LFNG: variants seen among roughly 807,000 people sequenced by gnomAD.
LFNG encodes beta-1,3-N-acetylglucosaminyltransferase lunatic fringe.
Under a neutral mutation model 32.7 loss-of-function variants are expected in LFNG, and 15 were observed. That is an observed-to-expected ratio of 0.46 (90% confidence interval 0.31 to 0.71). LFNG has a LOEUF of 0.71. LFNG is among the 30% of genes least tolerant of loss of function. LFNG has a pLI of 0.06. For synonymous variants in LFNG, 274 were observed against 246.8 expected (o/e 1.11, Z -1.03); for missense variants, 520 against 545.7 (o/e 0.95, Z 0.47).
chr7:2,519,745 T>A (rs1779727780), upstream of LFNG: 1 of 540,238 alleles, frequency 1.9e-6, no homozygotes, highest in Non-Finnish European at 2.4e-6. Context: ...GCGGGGAGGT[T>A]TAAGAGCGCG....
At chr7:2,521,440 T>G (rs1180779528) in intron 1 of LFNG, among the ~76,000 whole-genome samples, 1 of 152,196 alleles carries the variant, frequency 6.6e-6, no homozygotes, top group African/African-American at 2.4e-5. Context: ...ACAAAGCCCC[T>G]TTCTCCAGCG....
In LFNG at chr7:2,519,973, G is replaced by T. The variant is rs1195080859; in HGVS notation, c.112G>T (p.Gly38Cys). 4 of 983,428 alleles carry T rather than the reference G, an allele frequency of 4.1e-6. No individual in the cohort carries two copies. Among genetic ancestry groups the T allele is most frequent in the Non-Finnish European group, 4.8e-6 (4 of 830,522 alleles). 60.9% of individuals were successfully genotyped at this position (983,428 alleles called of 1,614,324 possible). A position where few individuals can be genotyped will look rare whatever the true frequency, so the allele number is the denominator to read the frequency against. Residue 38 changes from glycine to cysteine, a missense_variant, in exon 1 of 8, where the codon GGC becomes TGC. Gly to Cys is a radical substitution (Grantham distance 159, BLOSUM62 -3). Transcript: ENST00000222725. ...GCCGCCTCCACTGCCCGCCGAGCGC[G>T]GCCGGCGCGCGCTGCGCAGCCTGGC... is the stretch of plus-strand genomic sequence containing the variant. ...PPPPPLPAER[G>C]RRALRSLAGP...
At chr7:2,528,813 C>T, downstream of LFNG, 1 of 637,938 alleles carries the variant, frequency 1.6e-6, no homozygotes, top group Non-Finnish European at 2.9e-6. Flanking sequence ...CTGGGGCCTC[C>T]TTATCCAACT....
In LFNG at chr7:2,522,566, TC is replaced by T. The variant is rs1032645287; in HGVS notation, c.433-2124del. Reference sequence around the variant, plus strand: ...GGAACAATGCTGCTTCCTGTGGGTGTCCCCCGGCCCCCGCCCCCGTCCACCC... The same window carrying T: ...GGAACAATGCTGCTTCCTGTGGGTGTCCCCGGCCCCCGCCCCCGTCCACCC... On this transcript the variant is annotated intron_variant, in intron 1 of 7. Transcript: ENST00000222725. Among the ~76,000 whole-genome samples, 3 of 120,440 alleles carry T rather than the reference TC, an allele frequency of 2.5e-5. No homozygotes were observed. The South Asian group carries it at 9.7e-4, about 39-fold the overall frequency. The allele number at this position is 120,440 out of a possible 152,430, so 79.0% of individuals were successfully genotyped here.
chr7:2,513,051 C>T (rs1779529321), upstream of LFNG: 1 of 1,099,268 alleles, frequency 9.1e-7, no homozygotes, highest in Admixed American at 2.0e-5. Context: ...CCCTGCCTCC[C>T]AGCCCCAGCC....
intron 1 of LFNG, among the ~76,000 whole-genome samples, chr7:2,523,199 C>T (rs919311434): frequency 4.2e-4 from 64 of 152,334 alleles, no homozygotes; most frequent in African/African-American, 1.5e-3. Flanking sequence ...GCTGGCCCTC[C>T]GCCTCCCACG....
In LFNG at chr7:2,526,924, A is replaced by G. The variant is rs1423077612; in HGVS notation, c.1073+3A>G. On this transcript the variant is annotated splice_donor_region_variant and intron_variant, in intron 7 of 7. Coordinates refer to ENST00000222725, the MANE Select transcript of LFNG (RefSeq NM_001040167.2). The surrounding 1 kb of genome is among the most constrained non-coding windows in gnomAD (Gnocchi z 6.9). ...TCGGTGGAGGCCGACCCATCCAGGTAAGGAAACCCCGGCCCAGATGGGCTT... is the reference window on the plus strand; with the variant it reads ...TCGGTGGAGGCCGACCCATCCAGGTGAGGAAACCCCGGCCCAGATGGGCTT... The G allele has an allele frequency of 1.9e-6, 3 of 1,612,266 alleles. No homozygotes were observed. Among genetic ancestry groups the G allele is most frequent in the Non-Finnish European group, 2.5e-6 (3 of 1,179,694 alleles).
intron 1 of LFNG, among the ~76,000 whole-genome samples, chr7:2,522,264 G>A (rs541649239): frequency 1.3e-4 from 20 of 152,326 alleles, no homozygotes; most frequent in African/African-American, 4.8e-4. Flanking sequence ...GAGTAAAAAA[G>A]TGCCCAGAAA....
Position 2,527,097 on chromosome 7 carries a change from A to G in LFNG, c.1074-49A>G, listed in dbSNP as rs1384673881. 1.9e-6 allele frequency: 3 copies of G among 1,577,708 alleles called. No homozygotes were observed. The highest frequency in any genetic ancestry group is 2.6e-6 in the Non-Finnish European group (3 of 1,149,940). On this transcript the variant is annotated intron_variant, in intron 7 of 7. Coordinates refer to ENST00000222725, the MANE Select transcript of LFNG (RefSeq NM_001040167.2). The surrounding 1 kb of genome is among the most constrained non-coding windows in gnomAD (Gnocchi z 4.4). ...GTTGTGGGACTGCAAATGGGAGCTC[A>G]GCACCTGCCTGCCACCCACGCAGAC...
Position 2,527,450 on chromosome 7 carries a change from TG to T in LFNG, c.*241del. 7.0e-7 allele frequency: 1 copy of T among 1,426,704 alleles called. No homozygotes were observed. The allele number at this position is 1,426,704 out of a possible 1,614,324, so 88.4% of individuals were successfully genotyped here. On this transcript the variant is annotated 3_prime_UTR_variant, in exon 8 of 8. Transcript: ENST00000222725. The surrounding 1 kb of genome is among the most constrained non-coding windows in gnomAD (Gnocchi z 4.4). ...TATGTGCCTCTGCTCCGAGGGCCAG[TG>T]GGCTGCAGGGCCTGCTTGGAGGAAG...
rs1779740086 is a variant in LFNG at position 2,520,019 on chromosome 7, C to G, written c.158C>G (p.Pro53Arg). ...RSLAGPAGAA[P>R]APGLGAAAAA... Reference sequence around the variant, plus strand: ...CTGGCGGGCCCCGCGGGGGCTGCCCCGGCGCCCGGGCTGGGGGCGGCGGCG... The same window carrying G: ...CTGGCGGGCCCCGCGGGGGCTGCCCGGGCGCCCGGGCTGGGGGCGGCGGCG... The change falls in exon 1 of 8, where the codon CCG becomes CGG. Residue 53 changes from proline (P) to arginine (R), a missense_variant. By Grantham distance (103) the Pro-to-Arg change is moderately radical (BLOSUM62 -2). This residue lies in a region of LFNG where 360 missense variants were observed against 354.7 expected (regional missense o/e 1.01). Coordinates refer to ENST00000222725, the MANE Select transcript of LFNG (RefSeq NM_001040167.2). The surrounding 1 kb of genome is among the most constrained non-coding windows in gnomAD (Gnocchi z 5.0). The G allele has an allele frequency of 2.1e-5, 21 of 1,003,300 alleles. No individual in the cohort carries two copies. The highest frequency in any genetic ancestry group is 2.4e-5 in the Non-Finnish European group (20 of 845,170). The allele number at this position is 1,003,300 out of a possible 1,614,324, so 62.1% of individuals were successfully genotyped here. A position where few individuals can be genotyped will look rare whatever the true frequency, so the allele number is the denominator to read the frequency against.
At chr7:2,516,298 G>A (rs1189625248), upstream of LFNG, among the ~76,000 whole-genome samples, 5 of 152,214 alleles carry the variant, frequency 3.3e-5, no homozygotes, top group African/African-American at 9.7e-5. Flanking sequence ...CAGGCGCCTC[G>A]GATGGCTTCC....
chr7:2,513,370 GCTTCCA>G, upstream of LFNG: 1 of 1,544,372 alleles, frequency 6.5e-7, no homozygotes, highest in East Asian at 2.3e-5. Flanking sequence ...CCCTTCTTCT[GCTTCCA>G]GAGCAGCCTG....
chr7:2,525,295 C>T lies in LFNG; in HGVS notation c.558C>T (p.Asp186=), dbSNP rs147469951. 6.2e-7 allele frequency: 1 copy of T among 1,612,898 alleles called. No individual in the cohort carries two copies. The highest frequency in any genetic ancestry group is 8.5e-7 in the Non-Finnish European group (1 of 1,179,890). The change falls in exon 3 of 8, where the codon GAC becomes GAT. Residue 186 remains aspartate, a synonymous_variant. Transcript: ENST00000222725. ...CCTGCAAGATGGCCGTGGAGTATGA[C>T]CGCTTCATCGAGTCCGGCAGGAAGT... ...ALSCKMAVEY[D]RFIESGRKWF...
intron 1 of LFNG, chr7:2,512,736 C>T (rs745859567): frequency 1.2e-6 from 2 of 1,603,138 alleles, no homozygotes; most frequent in East Asian, 2.2e-5. Flanking sequence ...CCTAGAATGC[C>T]ACTCAGAGCC....
At position 2,527,669 on chromosome 7, in the gene LFNG, A is replaced by C; in HGVS notation, c.*457A>C. The C allele has an allele frequency of 9.0e-7, 1 of 1,105,068 alleles. No homozygotes were observed. Among genetic ancestry groups the C allele is most frequent in the Non-Finnish European group, 1.1e-6 (1 of 898,426 alleles). 68.5% of individuals were successfully genotyped at this position (1,105,068 alleles called of 1,614,324 possible). The stretch of plus-strand genomic sequence containing the variant: ...CCCCTGTGTCATAGCCCCAAGTACG[A>C]CTCACTGAGCCATGCTCATTGCAGG... On this transcript the variant is annotated 3_prime_UTR_variant, in exon 8 of 8. Coordinates refer to ENST00000222725, the MANE Select transcript of LFNG (RefSeq NM_001040167.2). This position sits in a 1 kb window ranked among gnomAD's most constrained non-coding sequence, Gnocchi z 4.4.
Position 2,527,352 on chromosome 7 carries a change from G to A in LFNG, c.*140G>A, listed in dbSNP as rs1780024580. On this transcript the variant is annotated 3_prime_UTR_variant, in exon 8 of 8. Coordinates refer to ENST00000222725, the MANE Select transcript of LFNG (RefSeq NM_001040167.2). The surrounding 1 kb of genome is among the most constrained non-coding windows in gnomAD (Gnocchi z 4.4). ...TGTGCGTGTGCGTGTGTGTGTGTGT[G>A]TACTGCATGCCCACCCGGGTAGCAG... The A allele has an allele frequency of 1.3e-6, 2 of 1,507,112 alleles. No homozygotes were observed. The highest frequency in any genetic ancestry group is 8.8e-7 in the Non-Finnish European group (1 of 1,130,112). The allele number at this position is 1,507,112 out of a possible 1,614,324, so 93.4% of individuals were successfully genotyped here.
upstream of LFNG, among the ~76,000 whole-genome samples, chr7:2,519,658 C>A (rs1014646818): frequency 6.7e-6 from 1 of 149,116 alleles, no homozygotes; most frequent in African/African-American, 2.4e-5. Context: ...CGTGGGTCTG[C>A]GGGCGTGGAG....
upstream of LFNG, among the ~76,000 whole-genome samples, chr7:2,513,876 A>G (rs184362289): frequency 6.6e-6 from 1 of 152,230 alleles, no homozygotes; most frequent in African/African-American, 2.4e-5. Context: ...CTCAGACAGA[A>G]GCGCCAGAAA....
Sources: gnomAD v4.1 joint callset for allele counts (sites outside exome capture counted in the v4.1 genomes callset) on GRCh38, gnomAD v4.1.1 for gene constraint, gnomAD v4.1.1 regional missense constraint, Gnocchi (gnomAD v3.1) non-coding constraint, MANE v1.5 for transcripts, NCBI Gene and HGNC (gene_info 2026-07-23, HGNC 2026-07-21) for gene names.